Variants in ARMH3 observed in about 807,000 individuals in gnomAD.
The protein encoded by ARMH3 is armadillo-like helical domain-containing protein 3.
In ARMH3, 60 loss-of-function variants were observed where a neutral mutation model predicts 99.1. The ratio of observed to expected loss-of-function variants is 0.61; its 90% CI spans 0.49 to 0.75. ARMH3 has a LOEUF of 0.75. Ranked by LOEUF, ARMH3 falls within the 30% of genes least tolerant of loss-of-function variation. The probability of loss-of-function intolerance (pLI) is 0.00; values close to 1 mark genes in which losing one functional copy is unlikely to be tolerated. For synonymous variants in ARMH3, 285 were observed against 292.8 expected (o/e 0.97, Z 0.27); for missense variants, 679 against 843.1 (o/e 0.81, Z 2.41).
At chr10:102,031,510 C>T (rs907588688) in intron 4 of ARMH3, among the ~76,000 whole-genome samples, 1 of 152,160 alleles carries the variant, frequency 6.6e-6, no homozygotes, top group Non-Finnish European at 1.5e-5. Flanking sequence ...TTTCATTGAG[C>T]CCCTATGCTA....
At chr10:101,924,646 C>T (rs541094466) in intron 23 of ARMH3, among the ~76,000 whole-genome samples, 5 of 151,966 alleles carry the variant, frequency 3.3e-5, no homozygotes, top group East Asian at 1.9e-4. Flanking sequence ...TGAGCCACCA[C>T]GCCCAGCCTG....
intron 14 of ARMH3, 109 bp downstream of exon 14, chr10:102,006,431 A>G (rs1341620824): frequency 9.6e-6 from 12 of 1,252,188 alleles, no homozygotes; most frequent in Admixed American, 1.9e-5. Context: ...AGACCAATTT[A>G]GTGGGAAAAA....
intron 20 of ARMH3, among the ~76,000 whole-genome samples, chr10:101,960,867 G>C (rs2135833831): frequency 6.7e-6 from 1 of 148,856 alleles, no homozygotes; most frequent in African/African-American, 2.5e-5. Context: ...TCTAGCCTGG[G>C]CGACAGAGCA....
chr10:102,038,012 G>T (rs571290597), intron 2 of ARMH3, among the ~76,000 whole-genome samples: 1 of 151,388 alleles, frequency 6.6e-6, no homozygotes, highest in East Asian at 1.9e-4. Flanking sequence ...GGAATTCATG[G>T]AACTGGCACT....
chr10:101,949,591 G>A (rs1409717827), intron 22 of ARMH3, among the ~76,000 whole-genome samples: 3 of 151,936 alleles, frequency 2.0e-5, no homozygotes, highest in South Asian at 2.1e-4. Flanking sequence ...AATCTTCCAC[G>A]AAAGTAAACT....
intron 1 of ARMH3, among the ~76,000 whole-genome samples, chr10:102,055,442 C>T (rs908107548): frequency 1.3e-5 from 2 of 152,182 alleles, no homozygotes; most frequent in African/African-American, 4.8e-5. Flanking sequence ...GGGCAGCACG[C>T]CTCAGCTTCT....
chr10:101,849,002 G>A (rs901395993), intron 25 of ARMH3, among the ~76,000 whole-genome samples: 14 of 152,172 alleles, frequency 9.2e-5, no homozygotes, highest in African/African-American at 3.1e-4. Flanking sequence ...CAAGACAAAC[G>A]ATCTAATACG....
At chr10:101,922,840 T>A (rs1843356474) in intron 23 of ARMH3, among the ~76,000 whole-genome samples, 2 of 152,144 alleles carry the variant, frequency 1.3e-5, no homozygotes, top group South Asian at 4.1e-4. Flanking sequence ...CCAAGATGAA[T>A]GCATGTGAGG....
At chr10:102,007,655 C>CTA (rs2066531051) in intron 13 of ARMH3, among the ~76,000 whole-genome samples, 1 of 79,588 alleles carries the variant, frequency 1.3e-5, no homozygotes, top group South Asian at 4.1e-4. Flanking sequence ...TCTGTCTCTA[C>CTA]TAAAAAAAAA....
At position 102,010,094 on chromosome 10, in the gene ARMH3, T is replaced by C. The variant is rs921708222; in HGVS notation, c.832-71A>G. On this transcript the variant is annotated intron_variant, in intron 11 of 25. Transcript: ENST00000370033. ...AGAGGAGCTTTATGCCTAGGAAGCC[T>C]TTTATCAGTGAAGAAAACAAGCTGC... 21 of 1,439,666 alleles carry C rather than the reference T, an allele frequency of 1.5e-5. No individual in the cohort carries two copies. In the South Asian group the frequency reaches 2.4e-4, roughly 16 times the overall value. The allele number at this position is 1,439,666 out of a possible 1,614,324, so 89.2% of individuals were successfully genotyped here. A position where few individuals can be genotyped will look rare whatever the true frequency, so the allele number is the denominator to read the frequency against.
intron 8 of ARMH3, among the ~76,000 whole-genome samples, chr10:102,015,476 T>C (rs1448718791): frequency 1.3e-5 from 2 of 151,634 alleles, no homozygotes; most frequent in Non-Finnish European, 2.9e-5. Flanking sequence ...CCACAACCTC[T>C]GCCTCCCAGG....
At chr10:101,991,879 A>C in intron 18 of ARMH3, 90 bp downstream of exon 18, 2 of 1,177,312 alleles carry the variant, frequency 1.7e-6, no homozygotes, top group Admixed American at 3.9e-5. Flanking sequence ...TTTGCGGAAG[A>C]AGCACATCAA....
intron 5 of ARMH3, among the ~76,000 whole-genome samples, chr10:102,026,329 A>C (rs1486333358): frequency 6.6e-6 from 1 of 152,230 alleles, no homozygotes; most frequent in Non-Finnish European, 1.5e-5. Flanking sequence ...GTGCTTTAAA[A>C]GAATATACGA....
rs572754296 is a variant in ARMH3 at position 102,044,116 on chromosome 10, C to T, written c.-11-3991G>A. Among the ~76,000 whole-genome samples, 20 of 136,618 alleles carry T rather than the reference C, an allele frequency of 1.5e-4. 1 individual carries two copies. The East Asian group carries it at 3.6e-3, about 25-fold the overall frequency. The allele number at this position is 136,618 out of a possible 152,430, so 89.6% of individuals were successfully genotyped here. On this transcript the variant is annotated intron_variant, in intron 1 of 25. Coordinates refer to ENST00000370033, the MANE Select transcript of ARMH3 (RefSeq NM_024541.3). ...CTTTTTTTTTTTTTTTTTTTGGAGA[C>T]GGAGTCTCGCTCTGTCGCCCAGGCT...
chr10:102,025,150 A>C lies in ARMH3; in HGVS notation c.507+6T>G. ...TTAATACCCTTGACAAACATAGGTCACTTACGGTCACTAAGCAAAGGAGAA... is the reference window on the plus strand; with the variant it reads ...TTAATACCCTTGACAAACATAGGTCCCTTACGGTCACTAAGCAAAGGAGAA... On this transcript the variant is annotated splice_donor_region_variant and intron_variant, in intron 6 of 25. Coordinates refer to ENST00000370033, the MANE Select transcript of ARMH3 (RefSeq NM_024541.3). 3 of 1,607,556 alleles carry C rather than the reference A, an allele frequency of 1.9e-6. No homozygotes were observed. Among genetic ancestry groups the C allele is most frequent in the Non-Finnish European group, 1.7e-6 (2 of 1,174,254 alleles).
At chr10:101,987,591 T>C (rs576377959) in intron 19 of ARMH3, among the ~76,000 whole-genome samples, 11 of 152,320 alleles carry the variant, frequency 7.2e-5, no homozygotes, top group South Asian at 2.1e-4. Context: ...CCTTTCCACA[T>C]TGCAACAGGG....
At chr10:101,849,268 A>G in intron 25 of ARMH3, among the ~76,000 whole-genome samples, 1 of 152,194 alleles carries the variant, frequency 6.6e-6, no homozygotes, top group East Asian at 1.9e-4. Flanking sequence ...CTGTGGAGAC[A>G]CTGACTGGGA....
intron 23 of ARMH3, among the ~76,000 whole-genome samples, chr10:101,898,714 G>A (rs896447558): frequency 6.6e-5 from 10 of 152,198 alleles, no homozygotes; most frequent in Admixed American, 5.2e-4. Context: ...ATATATGTAT[G>A]TATATGAAGA....
In ARMH3 at chr10:102,035,613, C is replaced by T. The variant is rs928660881; in HGVS notation, c.103-2274G>A. On this transcript the variant is annotated intron_variant, in intron 2 of 25. Coordinates refer to ENST00000370033, the MANE Select transcript of ARMH3 (RefSeq NM_024541.3). The stretch of plus-strand genomic sequence containing the variant: ...TGGAGACGGGGTTTCGCTGTGTTGG[C>T]CGGGCTGGTCTCCAGCTCCTAACCG... Among the ~76,000 whole-genome samples the T allele has an allele frequency of 5.3e-5, 8 of 152,248 alleles. 1 individual carries two copies. The highest frequency in any genetic ancestry group is 4.1e-4 in the South Asian group (2 of 4,838).
Sources: gnomAD v4.1 joint callset for allele counts (sites outside exome capture counted in the v4.1 genomes callset) on GRCh38, gnomAD v4.1.1 for gene constraint, MANE v1.5 for transcripts, NCBI Gene and HGNC (gene_info 2026-07-23, HGNC 2026-07-21) for gene names.